The following WWC1 variants were observed in gnomAD, a reference collection of about 807,000 sequenced individuals.
WWC1 encodes the protein WW and C2 domain containing 1, also known as protein KIBRA.
Under a neutral mutation model 138.4 loss-of-function variants are expected in WWC1, and 55 were observed. That is an observed-to-expected ratio of 0.40 (90% CI 0.32 to 0.50). The LOEUF (loss-of-function observed/expected upper bound fraction) is 0.50, where lower values mean the gene tolerates loss of function less well. Ranked by LOEUF, WWC1 falls within the 20% of genes least tolerant of loss-of-function variation. The pLI is 0.72. For synonymous variants in WWC1, 524 were observed against 564.9 expected, an observed-to-expected ratio of 0.93 and a Z score of 1.03; for missense variants, 1,226 against 1,420.4, an observed-to-expected ratio of 0.86 and a Z score of 2.20.
chr5:168,443,957 A>G (rs2152873923), intron 16 of WWC1, among the ~76,000 whole-genome samples: 1 of 152,374 alleles, frequency 6.6e-6, no homozygotes, highest in South Asian at 2.1e-4. Flanking sequence ...TAGAGGAAAC[A>G]GTCTCAGAGA....
At chr5:168,468,099 C>T (rs1434559830) in intron 22 of WWC1, 135 bp downstream of exon 22, 5 of 1,424,338 alleles carry the variant, frequency 3.5e-6, no homozygotes, top group Admixed American at 4.4e-5. Flanking sequence ...GTTCATCCTC[C>T]GCCAAGCCAT....
At chr5:168,351,593 G>A (rs1277285804) in intron 1 of WWC1, among the ~76,000 whole-genome samples, 1 of 152,188 alleles carries the variant, frequency 6.6e-6, no homozygotes, top group Non-Finnish European at 1.5e-5. Flanking sequence ...GATGAGAAGA[G>A]GTTGCTCTCC....
At chr5:168,459,729 C>A (rs1406250284) in intron 19 of WWC1, among the ~76,000 whole-genome samples, 3 of 152,262 alleles carry the variant, frequency 2.0e-5, no homozygotes, top group African/African-American at 7.2e-5. Context: ...ATCATTATCA[C>A]AATTAATTAT....
intron 1 of WWC1, among the ~76,000 whole-genome samples, chr5:168,302,275 C>A (rs922797786): frequency 1.3e-5 from 2 of 152,142 alleles, no homozygotes; most frequent in Non-Finnish European, 2.9e-5. Flanking sequence ...CACGTCCCAC[C>A]CAGCGGGGGG....
intron 16 of WWC1, 75 bp from the exon 17 acceptor site, chr5:168,444,419 G>A (rs1755051566): frequency 7.0e-7 from 1 of 1,425,116 alleles, no homozygotes; most frequent in African/African-American, 1.4e-5. Flanking sequence ...TCACAGCTCT[G>A]AGATGCTCTG....
intron 8 of WWC1, among the ~76,000 whole-genome samples, chr5:168,413,506 A>G (rs1482309921): frequency 6.6e-6 from 1 of 152,218 alleles, no homozygotes; most frequent in Non-Finnish European, 1.5e-5. Context: ...ATGGAGTCTT[A>G]GAGAAGTTAA....
chr5:168,421,982 C>T (rs1781122935), intron 9 of WWC1, 26 bp from the exon 10 acceptor site: 1 of 1,597,474 alleles, frequency 6.3e-7, no homozygotes, highest in Non-Finnish European at 8.6e-7. Context: ...TTTGGTGCAT[C>T]CCTCGCATGC....
Position 168,428,972 on chromosome 5 carries a change from C to T in WWC1, c.2000+185C>T, listed in dbSNP as rs760082827. On this transcript the variant is annotated intron_variant, in intron 13 of 22. Transcript: ENST00000265293. Reference sequence around the variant, plus strand: ...ATTCGTTCCTCACCTCCCAGCCATCCGCTTTACAGATAGGAGAAATGAGGT... The same window carrying T: ...ATTCGTTCCTCACCTCCCAGCCATCTGCTTTACAGATAGGAGAAATGAGGT... Among the ~76,000 whole-genome samples, 11 of 152,126 alleles carry T rather than the reference C, an allele frequency of 7.2e-5. No individual in the cohort carries two copies. In the South Asian group the frequency reaches 1.4e-3, roughly 20 times the overall value.
chr5:168,377,011 T>C (rs1294698716), intron 2 of WWC1, among the ~76,000 whole-genome samples: 2 of 152,174 alleles, frequency 1.3e-5, no homozygotes, highest in African/African-American at 4.8e-5. Flanking sequence ...AGAGGCATCA[T>C]ATTATCCAAC....
In WWC1 at chr5:168,392,318, C is replaced by G. The variant is rs1054024316; in HGVS notation, c.434-5406C>G. Among the ~76,000 whole-genome samples, 4 of 152,072 alleles carry G rather than the reference C, an allele frequency of 2.6e-5. No individual in the cohort carries two copies. The South Asian group carries it at 6.2e-4, about 24-fold the overall frequency. ...TAGAGAACTCTACTGGAAATCTGACCAGGGAAGAGATATAAAGAGAAAAGC... is the reference window on the plus strand; with the variant it reads ...TAGAGAACTCTACTGGAAATCTGACGAGGGAAGAGATATAAAGAGAAAAGC... On this transcript the variant is annotated intron_variant, in intron 3 of 22. Transcript: ENST00000265293.
intron 9 of WWC1, among the ~76,000 whole-genome samples, chr5:168,418,186 C>T (rs1477306): frequency 0.43 from 65,896 of 151,996 alleles, 15,734 homozygotes; most frequent in East Asian, 0.77. Flanking sequence ...CAGGAGAGGC[C>T]GACTGCAGGA....
Position 168,468,978 on chromosome 5 carries a change from T to A in WWC1, c.3303T>A (p.Pro1101=). The change falls in exon 23 of 23, where the codon CCT becomes CCA. Residue 1101 remains proline (P), a synonymous_variant. Coordinates refer to ENST00000265293, the MANE Select transcript of WWC1 (RefSeq NM_015238.3). ...FREKMAFFTR[P]RMNIPALSAD... is the part of the protein sequence containing the mutation. The stretch of plus-strand genomic sequence containing the variant: ...AGAAGATGGCATTTTTCACCCGGCC[T>A]CGGATGAATATCCCAGCTCTCTCTG... 3 of 1,614,236 alleles carry A rather than the reference T, an allele frequency of 1.9e-6. No individual in the cohort carries two copies. Among genetic ancestry groups the A allele is most frequent in the Non-Finnish European group, 2.5e-6 (3 of 1,180,036 alleles).
chr5:168,385,539 A>G (rs182629886), intron 3 of WWC1, 125 bp downstream of exon 3: 5 of 971,964 alleles, frequency 5.1e-6, no homozygotes, highest in East Asian at 5.3e-5. Flanking sequence ...CCAAACCACC[A>G]TCTTGTTTAC....
Position 168,464,966 on chromosome 5 carries a change from A to G in WWC1, c.3150+4A>G. On this transcript the variant is annotated splice_donor_region_variant and intron_variant, in intron 21 of 22. Transcript: ENST00000265293. Reference sequence around the variant, plus strand: ...GCTGAGGATGCTGGAGAAGCGGGTGAGTTCTGCCTCGAAGGCAGGGGAGCC... The same window carrying G: ...GCTGAGGATGCTGGAGAAGCGGGTGGGTTCTGCCTCGAAGGCAGGGGAGCC... 6.2e-7 allele frequency: 1 copy of G among 1,613,420 alleles called. No individual in the cohort carries two copies. Among genetic ancestry groups the G allele is most frequent in the Non-Finnish European group, 8.5e-7 (1 of 1,179,782 alleles).
At chr5:168,330,023 T>A (rs1318904938) in intron 1 of WWC1, among the ~76,000 whole-genome samples, 2 of 151,994 alleles carry the variant, frequency 1.3e-5, no homozygotes, top group African/African-American at 4.8e-5. Context: ...GGCATGAGAA[T>A]CCCTTGAACC....
chr5:168,325,212 C>T (rs1772431834), intron 1 of WWC1, among the ~76,000 whole-genome samples: 1 of 152,170 alleles, frequency 6.6e-6, no homozygotes, highest in Admixed American at 6.5e-5. Flanking sequence ...ATAGGAGCCC[C>T]TACCAACAGC....
rs879455950 is a variant in WWC1 at position 168,339,833 on chromosome 5, T to TCTTTCTTTCTTTCTTTCTTTCTTTC, written c.120-31591_120-31590insCTTTCTTTCTTTCTTTCTTTCTTTC. ...TTCTTTCTTTCTTTCTTTCTTTCTT[T>TCTTTCTTTCTTTCTTTCTTTCTTTC]TTCTTTTCTTTCTTTCTTTCTCTCT... On this transcript the variant is annotated intron_variant, in intron 1 of 22. Coordinates refer to ENST00000265293, the MANE Select transcript of WWC1 (RefSeq NM_015238.3). Among the ~76,000 whole-genome samples the TCTTTCTTTCTTTCTTTCTTTCTTTC allele has an allele frequency of 7.9e-3, 198 of 25,120 alleles. 2 individuals carry two copies. Among genetic ancestry groups the TCTTTCTTTCTTTCTTTCTTTCTTTC allele is most frequent in the African/African-American group, 0.019 (189 of 10,080 alleles). 16.5% of individuals were successfully genotyped at this position (25,120 alleles called of 152,430 possible). A position where few individuals can be genotyped will look rare whatever the true frequency, so the allele number is the denominator to read the frequency against.
intron 1 of WWC1, among the ~76,000 whole-genome samples, chr5:168,318,610 A>G (rs924358491): frequency 7.3e-6 from 1 of 137,632 alleles, no homozygotes; most frequent in Admixed American, 7.8e-5. Context: ...CCCAGGCTGG[A>G]GTTCAATGGC....
intron 19 of WWC1, among the ~76,000 whole-genome samples, chr5:168,456,707 T>TTG (rs1226246132): frequency 6.6e-6 from 1 of 151,710 alleles, no homozygotes; most frequent in Non-Finnish European, 1.5e-5. Flanking sequence ...AATTTTTTTT[T>TTG]TTTTTGTAAA....
Sources: gnomAD v4.1 joint callset for allele counts (sites outside exome capture counted in the v4.1 genomes callset) on GRCh38, gnomAD v4.1.1 for gene constraint, MANE v1.5 for transcripts, NCBI Gene and HGNC (gene_info 2026-07-23, HGNC 2026-07-21) for gene names.